The following SERPINA5 variants were observed in gnomAD, a reference collection of about 807,000 sequenced individuals.
The protein encoded by SERPINA5 is serpin family A member 5.
SERPINA5 carries 25 observed loss-of-function variants against 25.3 expected under a neutral mutation model. The ratio of observed to expected loss-of-function variants is 0.99; its 90% CI spans 0.72 to 1.38. The LOEUF (loss-of-function observed/expected upper bound fraction) is 1.38. Among genes scored for constraint, SERPINA5 ranks in the 40% most tolerant of loss-of-function variants. SERPINA5 has a pLI of 0.00. For synonymous variants in SERPINA5, 234 were observed against 206.2 expected, an observed-to-expected ratio of 1.14 and a Z score of -1.16; for missense variants, 599 against 509.5, an observed-to-expected ratio of 1.18 and a Z score of -1.69.
chr14:94,587,422 C>A lies in SERPINA5; in HGVS notation c.60C>A (p.His20Gln), dbSNP rs775234533. ...TCAGCCCTCAGGGGGCCTCCCTTCA[C>A]CGCCACCACCCCCGGGAGATGAAGA... ...VLLSPQGASL[H>Q]RHHPREMKKR... Residue 20 changes from histidine (H) to glutamine (Q), a missense_variant, in exon 3 of 6, where the codon CAC becomes CAA. By Grantham distance (24) the His-to-Gln change is conservative. Transcript: ENST00000329597. The A allele has an allele frequency of 6.2e-7, 1 of 1,614,000 alleles. No homozygotes were observed.
Position 94,592,511 on chromosome 14 carries a change from A to G in SERPINA5, c.*272A>G. 1 of 368,632 alleles carries G rather than the reference A, an allele frequency of 2.7e-6. No individual in the cohort carries two copies. Among genetic ancestry groups the G allele is most frequent in the East Asian group, 5.3e-5 (1 of 18,894 alleles). The allele number at this position is 368,632 out of a possible 1,614,324, so 22.8% of individuals were successfully genotyped here. ...CCAGAGAGGCTGGATGACTTGCTCA[A>G]GTTCACCAGCATGGTAGTGGCAAAG... On this transcript the variant is annotated 3_prime_UTR_variant, in exon 6 of 6. Coordinates refer to ENST00000329597, the MANE Select transcript of SERPINA5 (RefSeq NM_000624.6).
Position 94,592,439 on chromosome 14 carries a change from A to C in SERPINA5, c.*200A>C. On this transcript the variant is annotated 3_prime_UTR_variant, in exon 6 of 6. Transcript: ENST00000329597. ...GGTGCCTTGGGGAAATGTGGAGAAC[A>C]TTCAATCTTGCCGTCACTATTCATC... The C allele has an allele frequency of 3.6e-6, 2 of 556,586 alleles. No homozygotes were observed. Among genetic ancestry groups the C allele is most frequent in the South Asian group, 5.2e-5 (2 of 38,408 alleles). 34.5% of individuals were successfully genotyped at this position (556,586 alleles called of 1,614,324 possible).
chr14:94,591,087 C>T (rs1288371085), intron 5 of SERPINA5, among the ~76,000 whole-genome samples, 191 bp downstream of exon 5: 2 of 147,900 alleles, frequency 1.4e-5, no homozygotes, highest in African/African-American at 5.0e-5. Context: ...CTCCACTCCA[C>T]TCCAGTTCAC....
At chr14:94,582,077 G>A (rs938117458) in intron 2 of SERPINA5, 1 of 152,174 alleles carries the variant, frequency 6.6e-6, no homozygotes, top group East Asian at 1.9e-4. Context: ...CAATATTATC[G>A]GCTTCCGTGA....
At chr14:94,583,792 C>T (rs1884989923) in intron 2 of SERPINA5, among the ~76,000 whole-genome samples, 1 of 152,148 alleles carries the variant, frequency 6.6e-6, no homozygotes, top group Admixed American at 6.5e-5. Flanking sequence ...AACACTAAAG[C>T]CAGGGACCAG....
chr14:94,581,766 G>A (rs919298633), intron 2 of SERPINA5, 56 bp downstream of exon 2: 16 of 152,112 alleles, frequency 1.1e-4, no homozygotes, highest in Admixed American at 4.6e-4. Flanking sequence ...TAAATACAGC[G>A]GGTGCTCTCA....
chr14:94,587,553 G>A lies in SERPINA5; in HGVS notation c.191G>A (p.Ser64Asn), dbSNP rs6115. 1,054,681 of 1,613,634 alleles carry A rather than the reference G, an allele frequency of 0.65. 351,562 individuals are homozygous for A. Among genetic ancestry groups the A allele is most frequent in the African/African-American group, 0.91 (67,872 of 74,950 alleles). The change falls in exon 3 of 6, where the codon AGC (serine) becomes AAC (asparagine). Residue 64 changes from serine (S) to asparagine (N), a missense_variant. Coordinates refer to ENST00000329597, the MANE Select transcript of SERPINA5 (RefSeq NM_000624.6). ...TTGGCTTCCGCTGCCCCCAGCCAGA[G>A]CATCTTCTTCTCCCCTGTGAGCATC... is the stretch of plus-strand genomic sequence containing the variant. Reference protein sequence around the residue: ...RALASAAPSQSIFFSPVSISM... With the variant: ...RALASAAPSQNIFFSPVSISM...
In SERPINA5 at chr14:94,587,548, C is replaced by T. The variant is rs1178530806; in HGVS notation, c.186C>T (p.Ser62=). 3.7e-6 allele frequency: 6 copies of T among 1,613,598 alleles called. No homozygotes were observed. The Admixed American group carries it at 8.3e-5, about 22-fold the overall frequency. Residue 62 remains serine (S), a synonymous_variant, in exon 3 of 6, where the codon AGC becomes AGT. Transcript: ENST00000329597. The part of the protein sequence containing the change: ...LYRALASAAP[S]QSIFFSPVSI... ...GGGCCTTGGCTTCCGCTGCCCCCAG[C>T]CAGAGCATCTTCTTCTCCCCTGTGA...
At chr14:94,581,573 G>C (rs1884920207) in intron 1 of SERPINA5, 42 bp from the exon 2 acceptor site, 1 of 152,272 alleles carries the variant, frequency 6.6e-6, no homozygotes, top group Non-Finnish European at 1.5e-5. Flanking sequence ...GAGTTTTGGG[G>C]TTTGGGGTCT....
Position 94,590,318 on chromosome 14 carries a change from T to G in SERPINA5, c.890+7T>G, listed in dbSNP as rs1468317244. On this transcript the variant is annotated splice_region_variant and intron_variant, in intron 4 of 5. Coordinates refer to ENST00000329597, the MANE Select transcript of SERPINA5 (RefSeq NM_000624.6). Reference sequence around the variant, plus strand: ...TTAAGATGTTCAAAAAGAGGTACTTTCAGACTACCCCAGGGCCAGCCTAAA... The same window carrying G: ...TTAAGATGTTCAAAAAGAGGTACTTGCAGACTACCCCAGGGCCAGCCTAAA... 2 of 1,583,300 alleles carry G rather than the reference T, an allele frequency of 1.3e-6. No homozygotes were observed. Among genetic ancestry groups the G allele is most frequent in the Non-Finnish European group, 1.7e-6 (2 of 1,161,862 alleles).
chr14:94,587,824 G>C lies in SERPINA5; in HGVS notation c.462G>C (p.Leu154=), dbSNP rs773359078. Residue 154 remains leucine, a synonymous_variant, in exon 3 of 6, where the codon CTG becomes CTC. Transcript: ENST00000329597. The part of the protein sequence containing the change: ...TFVSAMKTLY[L]ADTFPTNFRD... ...TAAGTGCCATGAAGACGCTGTACCT[G>C]GCAGACACTTTCCCTACCAACTTTA... 11 of 1,613,940 alleles carry C rather than the reference G, an allele frequency of 6.8e-6. No individual in the cohort carries two copies. Among genetic ancestry groups the C allele is most frequent in the Non-Finnish European group, 9.3e-6 (11 of 1,179,830 alleles).
At chr14:94,590,422 G>C (rs1885242658) in intron 4 of SERPINA5, 111 bp downstream of exon 4, 2 of 1,348,318 alleles carry the variant, frequency 1.5e-6, no homozygotes, top group Non-Finnish European at 2.0e-6. Context: ...CAGCCAAGGA[G>C]CTGCCTCCAG....
Position 94,592,687 on chromosome 14 carries a change from G to A in SERPINA5, c.*448G>A, listed in dbSNP as rs1018295991. The stretch of plus-strand genomic sequence containing the variant: ...CAACAACTGTCAGTTCATCCTGCAT[G>A]GGAAAAATGTTGGAATGGGAGTCTG... On this transcript the variant is annotated 3_prime_UTR_variant, in exon 6 of 6. Coordinates refer to ENST00000329597, the MANE Select transcript of SERPINA5 (RefSeq NM_000624.6). 6.3e-6 allele frequency: 1 copy of A among 157,730 alleles called. No individual in the cohort carries two copies. Among genetic ancestry groups the A allele is most frequent in the African/African-American group, 2.4e-5 (1 of 41,532 alleles). The allele number at this position is 157,730 out of a possible 1,614,324, so 9.8% of individuals were successfully genotyped here. A position where few individuals can be genotyped will look rare whatever the true frequency, so the allele number is the denominator to read the frequency against.
Position 94,587,361 on chromosome 14 carries a change from C to T in SERPINA5, c.-2C>T, listed in dbSNP as rs1231741451. The T allele has an allele frequency of 6.2e-7, 1 of 1,600,364 alleles. No homozygotes were observed. The highest frequency in any genetic ancestry group is 8.5e-7 in the Non-Finnish European group (1 of 1,174,570). On this transcript the variant is annotated 5_prime_UTR_variant, in exon 3 of 6. Transcript: ENST00000329597. ...TCCCTTTCAGAACAAAGAACAGCCA[C>T]CATGCAGCTCTTCCTCCTCTTGTGC...
rs765799084 is a variant in SERPINA5, at chr14:94,592,205, A to G, written c.1187A>G (p.Asn396Ser). The change falls in exon 6 of 6, where the codon AAC becomes AGC. Residue 396 changes from asparagine (N) to serine (S), a missense_variant. By Grantham distance (46) the Asn-to-Ser change is conservative. Transcript: ENST00000329597. ...RPFLMFIVDNNILFLGKVNRP is the reference protein window; with the variant it reads ...RPFLMFIVDNSILFLGKVNRP ...TTTCTGATGTTCATTGTGGATAACA[A>G]CATCCTCTTCCTTGGCAAAGTGAAC... 4.3e-6 allele frequency: 7 copies of G among 1,614,076 alleles called. 1 individual carries two copies. In the South Asian group the frequency reaches 6.6e-5, roughly 15 times the overall value.
rs749618924 is a variant in SERPINA5 at position 94,587,804 on chromosome 14, G to T, written c.442G>T (p.Ala148Ser). The T allele has an allele frequency of 6.2e-7, 1 of 1,613,912 alleles. No homozygotes were observed. Among genetic ancestry groups the T allele is most frequent in the Non-Finnish European group, 8.5e-7 (1 of 1,179,806 alleles). ...AGACCTGCAGGACACCTTCGTAAGT[G>T]CCATGAAGACGCTGTACCTGGCAGA... is the stretch of plus-strand genomic sequence containing the variant. ...VVDLQDTFVS[A>S]MKTLYLADTF... Residue 148 changes from alanine (A) to serine (S), a missense_variant, in exon 3 of 6, where the codon GCC becomes TCC. Ala to Ser is a moderately conservative substitution (Grantham distance 99, BLOSUM62 1). Transcript: ENST00000329597.
At chr14:94,583,885 C>G (rs1884992489) in intron 2 of SERPINA5, among the ~76,000 whole-genome samples, 1 of 152,176 alleles carries the variant, frequency 6.6e-6, no homozygotes, top group Non-Finnish European at 1.5e-5. Flanking sequence ...CTTCACCTGT[C>G]TCTGTCAAAG....
At chr14:94,589,924 G>A (rs749723011) in intron 3 of SERPINA5, 117 bp from the exon 4 acceptor site, 148 of 958,014 alleles carry the variant, frequency 1.5e-4, no homozygotes, top group Non-Finnish European at 2.1e-4. Context: ...CTCTGGGGCT[G>A]CCATAAAGAT....
At chr14:94,591,897 G>A (rs757132929) in intron 5 of SERPINA5, among the ~76,000 whole-genome samples, 160 bp from the exon 6 acceptor site, 4 of 152,190 alleles carry the variant, frequency 2.6e-5, no homozygotes, top group Non-Finnish European at 5.9e-5. Flanking sequence ...CACAGTGCCT[G>A]GGGCAGAGTA....
Sources: gnomAD v4.1 joint callset for allele counts (sites outside exome capture counted in the v4.1 genomes callset) on GRCh38, gnomAD v4.1.1 for gene constraint, MANE v1.5 for transcripts, NCBI Gene and HGNC (gene_info 2026-07-23, HGNC 2026-07-21) for gene names.